DPH6: variants seen among roughly 807,000 people sequenced by gnomAD.
DPH6 encodes diphthine--ammonia ligase.
DPH6 carries 33 observed loss-of-function variants against 38.2 expected under a neutral mutation model. The ratio of observed to expected loss-of-function variants is 0.86; its 90% confidence interval spans 0.65 to 1.15. The LOEUF (loss-of-function observed/expected upper bound fraction) is 1.15, where lower values mean the gene tolerates loss of function less well. Ranked by LOEUF, DPH6 falls within the 50% of genes most tolerant of loss-of-function variation. The probability of loss-of-function intolerance (pLI) is 0.00; values close to 1 mark genes in which losing one functional copy is unlikely to be tolerated. For missense variants in DPH6, 325 were observed against 320.0 expected, an observed-to-expected ratio of 1.02 and a Z score of -0.12; for synonymous variants, 108 against 103.0, an observed-to-expected ratio of 1.05 and a Z score of -0.30.
chr15:35,264,963 G>A (rs2051773917), intron 3 of DPH6, among the ~76,000 whole-genome samples: 1 of 152,040 alleles, frequency 6.6e-6, no homozygotes, highest in African/African-American at 2.4e-5. Context: ...GAGTCTTGTC[G>A]AACATTCAGA....
At chr15:35,382,177 T>C (rs763657838) in intron 6 of DPH6, among the ~76,000 whole-genome samples, 8 of 152,166 alleles carry the variant, frequency 5.3e-5, no homozygotes, top group Admixed American at 1.3e-4. Context: ...GGCTCACGCC[T>C]GTAATCCCAG....
the DPH6 span, among the ~76,000 whole-genome samples, chr15:35,198,261 A>G: frequency 1.3e-5 from 2 of 152,214 alleles, no homozygotes; most frequent in Non-Finnish European, 2.9e-5. Flanking sequence ...TTGCAGTCAT[A>G]AGACCATACT....
At chr15:35,160,845 A>G in the DPH6 span, among the ~76,000 whole-genome samples, 1 of 151,940 alleles carries the variant, frequency 6.6e-6, no homozygotes, top group Non-Finnish European at 1.5e-5. Flanking sequence ...ACTATTCTAC[A>G]TGGATGAAGC....
intron 3 of DPH6, among the ~76,000 whole-genome samples, chr15:35,358,620 C>T (rs559548397): frequency 2.8e-4 from 42 of 152,268 alleles, no homozygotes; most frequent in Non-Finnish European, 4.6e-4. Context: ...GATGTAGCTT[C>T]CTGTGATCCA....
chr15:35,373,227 T>C (rs541457306), intron 8 of DPH6, among the ~76,000 whole-genome samples: 1 of 152,062 alleles, frequency 6.6e-6, no homozygotes, highest in East Asian at 1.9e-4. Context: ...TCCTGCTAGA[T>C]GATTTAATAT....
intron 3 of DPH6, among the ~76,000 whole-genome samples, chr15:35,483,655 C>T (rs982076625): frequency 6.6e-6 from 1 of 152,112 alleles, no homozygotes; most frequent in Non-Finnish European, 1.5e-5. Flanking sequence ...TTTGAAAGTA[C>T]AAATTTAACA....
intron 3 of DPH6, chr15:35,298,912 A>T: frequency 1.3e-5 from 11 of 840,790 alleles, no homozygotes; most frequent in Non-Finnish European, 2.3e-5. Flanking sequence ...ACTGCCAGAG[A>T]AGTGGGTGAG....
intron 3 of DPH6, among the ~76,000 whole-genome samples, chr15:35,262,416 A>C (rs1199316355): frequency 1.3e-5 from 2 of 152,130 alleles, no homozygotes; most frequent in Non-Finnish European, 2.9e-5. Context: ...TTTTTTAAAA[A>C]GATACCTTGG....
At chr15:35,423,925 T>C (rs537571083) in intron 5 of DPH6, among the ~76,000 whole-genome samples, 55 of 151,842 alleles carry the variant, frequency 3.6e-4, no homozygotes, top group African/African-American at 1.3e-3. Context: ...TCCATTGGTC[T>C]CTATACTTGT....
chr15:35,491,832 T>C (rs1415832231), intron 3 of DPH6, among the ~76,000 whole-genome samples: 1 of 150,704 alleles, frequency 6.6e-6, no homozygotes, highest in Non-Finnish European at 1.5e-5. Flanking sequence ...TATCTATATA[T>C]CTTATATATT....
chr15:35,260,381 C>T (rs902769656), intron 3 of DPH6, among the ~76,000 whole-genome samples: 1 of 152,096 alleles, frequency 6.6e-6, no homozygotes, highest in Non-Finnish European at 1.5e-5. Context: ...GTTCGGATTA[C>T]AGGCGTGAGC....
intron 3 of DPH6, among the ~76,000 whole-genome samples, chr15:35,314,559 C>A (rs1414552665): frequency 1.3e-5 from 2 of 152,118 alleles, no homozygotes; most frequent in African/African-American, 4.8e-5. Flanking sequence ...ACAAAGGAGA[C>A]AAGAGCCTTG....
the DPH6 span, among the ~76,000 whole-genome samples, chr15:35,203,648 T>C: frequency 6.6e-6 from 1 of 151,792 alleles, no homozygotes; most frequent in Non-Finnish European, 1.5e-5. Context: ...AATAGCAACC[T>C]GTGTATTTTA....
chr15:35,438,726 C>T (rs11073094), intron 5 of DPH6, among the ~76,000 whole-genome samples: 96,564 of 152,104 alleles, frequency 0.63, 34,797 homozygotes, highest in South Asian at 0.84. Context: ...GATCAAATAT[C>T]TTTTAAAGGG....
intron 5 of DPH6, among the ~76,000 whole-genome samples, chr15:35,411,685 A>G (rs571570493): frequency 6.6e-6 from 1 of 151,846 alleles, no homozygotes; most frequent in African/African-American, 2.4e-5. Flanking sequence ...TTCATTTTGG[A>G]TATTTACATT....
At chr15:35,298,972 C>A (rs1454126835) in intron 3 of DPH6, 1 of 761,802 alleles carries the variant, frequency 1.3e-6, no homozygotes, top group Non-Finnish European at 2.4e-6. Flanking sequence ...CGCTCCTAAT[C>A]TTCATCTTCA....
At chr15:35,526,764 TA>T (rs900595342) in intron 3 of DPH6, among the ~76,000 whole-genome samples, 1 of 152,196 alleles carries the variant, frequency 6.6e-6, no homozygotes, top group African/African-American at 2.4e-5. Context: ...AGCATGGAGT[TA>T]AATTCTAAAA....
intron 3 of DPH6, among the ~76,000 whole-genome samples, chr15:35,231,174 T>C (rs996008682): frequency 1.3e-5 from 2 of 152,250 alleles, no homozygotes; most frequent in African/African-American, 4.8e-5. Context: ...CTTGCAGGAA[T>C]TGGAGTTCCC....
downstream of DPH6, among the ~76,000 whole-genome samples, chr15:35,214,068 C>A (rs574747392): frequency 3.0e-4 from 45 of 150,524 alleles, no homozygotes; most frequent in African/African-American, 1.1e-3. Context: ...GCTGAGATTG[C>A]GCCACTGCAC....
Sources: gnomAD v4.1 joint callset for allele counts (sites outside exome capture counted in the v4.1 genomes callset) on GRCh38, gnomAD v4.1.1 for gene constraint, MANE v1.5 for transcripts, NCBI Gene and HGNC (gene_info 2026-07-23, HGNC 2026-07-21) for gene names.